The following DYNC1LI1 variants were observed in gnomAD, a reference collection of about 807,000 sequenced individuals.
DYNC1LI1 encodes cytoplasmic dynein 1 light intermediate chain 1.
A neutral mutation model predicts 63.8 loss-of-function variants in DYNC1LI1; 19 were observed. That is an observed-to-expected ratio of 0.30 (90% CI 0.21 to 0.44). DYNC1LI1 has a LOEUF of 0.44. DYNC1LI1 is among the 20% of genes least tolerant of loss of function. DYNC1LI1 has a pLI of 1.00. For missense variants in DYNC1LI1, 565 were observed against 630.2 expected (o/e 0.90, Z 1.11); for synonymous variants, 225 against 232.3 (o/e 0.97, Z 0.28).
In DYNC1LI1 at chr3:32,559,283, C is replaced by G. The variant is rs113584222; in HGVS notation, c.220+11063G>C. On this transcript the variant is annotated intron_variant, in intron 2 of 12. Transcript: ENST00000273130. ...TGTGAGACAGGGCAACTCTGTTGCC[C>G]AGGCTGGAGTGCAGTGGCAAGATCT... Among the ~76,000 whole-genome samples, 418 of 152,160 alleles carry G rather than the reference C, an allele frequency of 2.7e-3. 1 individual carries two copies. The highest frequency in any genetic ancestry group is 9.6e-3 in the African/African-American group (399 of 41,536).
chr3:32,550,387 C>T (rs1369014083), intron 2 of DYNC1LI1, among the ~76,000 whole-genome samples: 4 of 152,152 alleles, frequency 2.6e-5, no homozygotes, highest in South Asian at 2.1e-4. Flanking sequence ...GCTGAGATTG[C>T]GCCATTGCAC....
At chr3:32,562,808 T>G (rs566670372) in intron 2 of DYNC1LI1, among the ~76,000 whole-genome samples, 492 of 152,314 alleles carry the variant, frequency 3.2e-3, no homozygotes, top group Non-Finnish European at 6.1e-3. Flanking sequence ...GAGGTTCTAA[T>G]TTGTCCACAA....
At chr3:32,561,553 C>T (rs1201374037) in intron 2 of DYNC1LI1, among the ~76,000 whole-genome samples, 2 of 151,592 alleles carry the variant, frequency 1.3e-5, no homozygotes, top group Admixed American at 6.6e-5. Flanking sequence ...TGCTTGAACC[C>T]GGGAGTCAGA....
chr3:32,570,574 G>C (rs1316602105), intron 1 of DYNC1LI1, 51 bp downstream of exon 1: 5 of 1,537,160 alleles, frequency 3.3e-6, no homozygotes, highest in Non-Finnish European at 4.4e-6. Flanking sequence ...CGAGGCGTCC[G>C]CGCAAGGCCG....
rs1575147548 is a variant in DYNC1LI1 at position 32,530,446 on chromosome 3, G to A, written c.1140+15C>T. On this transcript the variant is annotated intron_variant, in intron 9 of 12. Transcript: ENST00000273130. ...CATTAACCATACTAAGTCTGCTTCT[G>A]ATATAATTTCATACCTGTAGCTTCA... The A allele has an allele frequency of 6.2e-7, 1 of 1,612,230 alleles. No individual in the cohort carries two copies. The highest frequency in any genetic ancestry group is 8.5e-7 in the Non-Finnish European group (1 of 1,178,832).
intron 2 of DYNC1LI1, among the ~76,000 whole-genome samples, chr3:32,555,333 A>G (rs1383346080): frequency 6.6e-6 from 1 of 152,210 alleles, no homozygotes; most frequent in Non-Finnish European, 1.5e-5. Context: ...ATGTGTCTTG[A>G]TGGCAAATGC....
intron 8 of DYNC1LI1, chr3:32,532,144 G>A (rs1697705871): frequency 6.6e-6 from 1 of 152,062 alleles, no homozygotes; most frequent in African/African-American, 2.4e-5. Flanking sequence ...TCTGGGATCT[G>A]ATTGGATAGA....
intron 2 of DYNC1LI1, among the ~76,000 whole-genome samples, chr3:32,557,243 C>T (rs191152088): frequency 6.7e-4 from 102 of 152,274 alleles, no homozygotes; most frequent in African/African-American, 2.1e-3. Context: ...TTGCTGGGCA[C>T]GGTGGCTTAG....
At chr3:32,527,970 A>T (rs1327835769) in intron 12 of DYNC1LI1, among the ~76,000 whole-genome samples, 3 of 151,294 alleles carry the variant, frequency 2.0e-5, no homozygotes, top group Non-Finnish European at 4.4e-5. Context: ...AAAATACAAA[A>T]ATTAGCCAGG....
Position 32,535,061 on chromosome 3 carries a change from T to C in DYNC1LI1, c.833-415A>G, listed in dbSNP as rs375335913. Among the ~76,000 whole-genome samples, 166 of 152,334 alleles carry C rather than the reference T, an allele frequency of 1.1e-3. 1 individual carries two copies. In the South Asian group the frequency reaches 0.033, roughly 31 times the overall value. ...AAAATGGTGTGTTAACAGTGTCTCT[T>C]TGTAGTTTTTACAAAACCCAGGAAT... On this transcript the variant is annotated intron_variant, in intron 6 of 12. Transcript: ENST00000273130.
At chr3:32,549,618 T>C (rs1347840681) in intron 2 of DYNC1LI1, among the ~76,000 whole-genome samples, 1 of 152,142 alleles carries the variant, frequency 6.6e-6, no homozygotes, top group Non-Finnish European at 1.5e-5. Flanking sequence ...TTGTAAAGCA[T>C]ACACAGATCC....
intron 2 of DYNC1LI1, among the ~76,000 whole-genome samples, chr3:32,554,174 A>T (rs1467014321): frequency 6.6e-6 from 1 of 152,202 alleles, no homozygotes; most frequent in Admixed American, 6.5e-5. Flanking sequence ...TGACAGGTGG[A>T]TATGTTCCTA....
chr3:32,560,863 G>C (rs557811208), intron 2 of DYNC1LI1, among the ~76,000 whole-genome samples: 3 of 151,084 alleles, frequency 2.0e-5, no homozygotes, highest in Non-Finnish European at 4.4e-5. Flanking sequence ...TTAGCCAGGC[G>C]TGGTGGCTCA....
At chr3:32,546,371 G>A (rs1320740446) in intron 2 of DYNC1LI1, among the ~76,000 whole-genome samples, 3 of 151,892 alleles carry the variant, frequency 2.0e-5, no homozygotes, top group African/African-American at 7.3e-5. Context: ...TTGTGCCACT[G>A]TACTCCAGGC....
chr3:32,550,606 T>C (rs1698022926), intron 2 of DYNC1LI1, among the ~76,000 whole-genome samples: 1 of 152,224 alleles, frequency 6.6e-6, no homozygotes, highest in Non-Finnish European at 1.5e-5. Flanking sequence ...TTGTCAATCA[T>C]TCGTTTCACT....
At chr3:32,531,791 C>T (rs1697701229) in intron 8 of DYNC1LI1, 2 of 152,094 alleles carry the variant, frequency 1.3e-5, no homozygotes, top group Non-Finnish European at 2.9e-5. Flanking sequence ...ATATATATGT[C>T]AAGATTAAAG....
At chr3:32,559,424 G>A (rs772372061) in intron 2 of DYNC1LI1, among the ~76,000 whole-genome samples, 2 of 151,910 alleles carry the variant, frequency 1.3e-5, no homozygotes, top group African/African-American at 2.4e-5. Flanking sequence ...ATTTTTTGTA[G>A]AGCAAGATTT....
chr3:32,538,396 A>C (rs1351692436), intron 5 of DYNC1LI1, among the ~76,000 whole-genome samples: 2 of 151,882 alleles, frequency 1.3e-5, no homozygotes, highest in Non-Finnish European at 2.9e-5. Flanking sequence ...ATGGTGGTTT[A>C]GTATTAAATA....
In DYNC1LI1 at chr3:32,541,176, G is replaced by A. The variant is rs1207567273; in HGVS notation, c.599C>T (p.Pro200Leu). ...GGGAGAAGCCGGGAAGTCTTCTCCT[G>A]GCTCTACATATTCTTGGAAGTCTCT... is the stretch of plus-strand genomic sequence containing the variant. ...LIRDFQEYVE[P>L]GEDFPASPQR... Residue 200 changes from proline (P) to leucine (L), a missense_variant, in exon 5 of 13, where the codon CCA becomes CTA. Physicochemically the swap from Pro to Leu is moderately conservative, Grantham distance 98 (BLOSUM62 -3). Coordinates refer to ENST00000273130, the MANE Select transcript of DYNC1LI1 (RefSeq NM_016141.4). The A allele has an allele frequency of 1.2e-5, 19 of 1,610,766 alleles. No homozygotes were observed. Among genetic ancestry groups the A allele is most frequent in the Non-Finnish European group, 1.4e-5 (17 of 1,178,382 alleles).
Sources: allele counts gnomAD v4.1 joint callset (sites outside exome capture counted in the v4.1 genomes callset), GRCh38; gene constraint gnomAD v4.1.1; transcripts MANE v1.5; gene names NCBI Gene and HGNC (gene_info 2026-07-23, HGNC 2026-07-21).